Variants in MRPS23 observed in about 807,000 individuals in gnomAD.
MRPS23 encodes mitochondrial ribosomal protein S23.
Under a neutral mutation model 19.8 loss-of-function variants are expected in MRPS23, and 14 were observed. That is an observed-to-expected ratio of 0.71 (90% CI 0.47 to 1.11). MRPS23 has a LOEUF of 1.11. Among genes scored for constraint, MRPS23 ranks in the 50% least tolerant of loss-of-function variants. The pLI, the probability that MRPS23 is intolerant of heterozygous loss-of-function variation, is 0.00. For synonymous variants in MRPS23, 113 were observed against 89.7 expected (o/e 1.26, Z -1.47); for missense variants, 242 against 236.7 (o/e 1.02, Z -0.15).
chr17:57,847,548 G>A (rs539348889), intron 2 of MRPS23, among the ~76,000 whole-genome samples: 10 of 150,126 alleles, frequency 6.7e-5, no homozygotes, highest in African/African-American at 2.0e-4. Context: ...TGTAGTCCCA[G>A]CTACTCAGGA....
In MRPS23 at chr17:57,847,413, A is replaced by G. The variant is rs549091323; in HGVS notation, c.215+1827T>C. Among the ~76,000 whole-genome samples, 8 of 152,070 alleles carry G rather than the reference A, an allele frequency of 5.3e-5. No individual in the cohort carries two copies. In the East Asian group the frequency reaches 1.6e-3, roughly 30 times the overall value. ...CGCGGTGGCTCACGCCTGTAATCCCAGCACTTTGGGAGGCCGAGGCAGGCG... is the reference window on the plus strand; with the variant it reads ...CGCGGTGGCTCACGCCTGTAATCCCGGCACTTTGGGAGGCCGAGGCAGGCG... On this transcript the variant is annotated intron_variant, in intron 2 of 4. Transcript: ENST00000313608.
intron 2 of MRPS23, among the ~76,000 whole-genome samples, chr17:57,841,645 G>C (rs546737192): frequency 1.2e-4 from 18 of 152,322 alleles, no homozygotes; most frequent in African/African-American, 4.3e-4. Flanking sequence ...AGTAAACCTT[G>C]CTCTACATCT....
At chr17:57,844,626 C>A (rs949615513) in intron 2 of MRPS23, among the ~76,000 whole-genome samples, 6 of 149,688 alleles carry the variant, frequency 4.0e-5, no homozygotes, top group South Asian at 2.1e-4. Context: ...AAAAAATTAG[C>A]CCGCCGTGGT....
At chr17:57,842,893 C>CAT (rs1260574703) in intron 2 of MRPS23, among the ~76,000 whole-genome samples, 5,340 of 86,310 alleles carry the variant, frequency 0.062, 244 homozygotes, top group Middle Eastern at 0.11. Flanking sequence ...TATATATATA[C>CAT]ACACACACAC....
At chr17:57,842,605 G>C (rs527509103) in intron 2 of MRPS23, among the ~76,000 whole-genome samples, 1 of 152,206 alleles carries the variant, frequency 6.6e-6, no homozygotes, top group African/African-American at 2.4e-5. Context: ...TGGTACTACT[G>C]GATCAAGGTA....
chr17:57,843,842 T>C (rs951467226), intron 2 of MRPS23, among the ~76,000 whole-genome samples: 3 of 152,234 alleles, frequency 2.0e-5, no homozygotes, highest in African/African-American at 7.2e-5. Context: ...TTTGTAGCCA[T>C]ATACATAGAA....
chr17:57,846,029 C>G (rs1210341982), intron 2 of MRPS23, among the ~76,000 whole-genome samples: 1 of 148,962 alleles, frequency 6.7e-6, no homozygotes, highest in African/African-American at 2.5e-5. Flanking sequence ...TCAGGGCACA[C>G]AAAAGGGGAA....
chr17:57,847,616 T>C (rs56027673), intron 2 of MRPS23, among the ~76,000 whole-genome samples: 144,365 of 146,660 alleles, frequency 0.98, 71,089 homozygotes, highest in East Asian at 1. Context: ...GAGCCGAGAT[T>C]GCGCCACTGC....
Position 57,840,026 on chromosome 17 carries a change from T to G in MRPS23, c.421-91A>C, listed in dbSNP as rs188869280. 35 of 1,466,594 alleles carry G rather than the reference T, an allele frequency of 2.4e-5. No homozygotes were observed. In the Admixed American group the frequency reaches 5.4e-4, roughly 23 times the overall value. 90.8% of individuals were successfully genotyped at this position (1,466,594 alleles called of 1,614,324 possible). On this transcript the variant is annotated intron_variant, in intron 4 of 4. Coordinates refer to ENST00000313608, the MANE Select transcript of MRPS23 (RefSeq NM_016070.4). ...TATATAACTAGGCACATTCTGTCAC[T>G]GAGTGAAAAATTTAGCACTAATATC...
chr17:57,843,268 CA>C (rs11290064), intron 2 of MRPS23, among the ~76,000 whole-genome samples: 134,689 of 138,446 alleles, frequency 0.97, 65,523 homozygotes, highest in South Asian at 0.99. Flanking sequence ...GATCCTGCCT[CA>C]AAAAAAAAAA....
Position 57,841,065 on chromosome 17 carries a change from G to T in MRPS23, c.294-13C>A. The T allele has an allele frequency of 6.2e-7, 1 of 1,613,418 alleles. No homozygotes were observed. The highest frequency in any genetic ancestry group is 8.5e-7 in the Non-Finnish European group (1 of 1,179,666). The stretch of plus-strand genomic sequence containing the variant: ...CTTCTCCACAAACCTGTAATTCCAA[G>T]CAGTCACATTTTAGGTATGTTTGTA... On this transcript the variant is annotated splice_polypyrimidine_tract_variant and intron_variant, in intron 3 of 4. Coordinates refer to ENST00000313608, the MANE Select transcript of MRPS23 (RefSeq NM_016070.4).
intron 2 of MRPS23, among the ~76,000 whole-genome samples, chr17:57,842,350 T>A (rs1056897848): frequency 6.6e-6 from 1 of 152,190 alleles, no homozygotes; most frequent in East Asian, 1.9e-4. Context: ...TTAAGTGACA[T>A]GTAGAAAACT....
rs192365919 is a variant in MRPS23 at position 57,845,055 on chromosome 17, G to A, written c.216-3795C>T. ...TGGGACTACAGGTGCATGCCACCAC[G>A]CCCAGCTGATTTTTGCATTTTTAGC... is the stretch of plus-strand genomic sequence containing the variant. On this transcript the variant is annotated intron_variant, in intron 2 of 4. Transcript: ENST00000313608. Among the ~76,000 whole-genome samples, 7 of 152,028 alleles carry A rather than the reference G, an allele frequency of 4.6e-5. No homozygotes were observed. The East Asian group carries it at 9.7e-4, about 21-fold the overall frequency.
chr17:57,841,289 T>C (rs914459456), intron 2 of MRPS23, 29 bp from the exon 3 acceptor site: 1 of 1,591,210 alleles, frequency 6.3e-7, no homozygotes, highest in Non-Finnish European at 8.6e-7. Flanking sequence ...ATAATATAAA[T>C]CTCCGATTAT....
At chr17:57,844,577 T>C (rs2073760128) in intron 2 of MRPS23, among the ~76,000 whole-genome samples, 1 of 145,632 alleles carries the variant, frequency 6.9e-6, no homozygotes, top group African/African-American at 2.6e-5. Flanking sequence ...CTGGCCAACA[T>C]GGTGAAACCC....
At chr17:57,849,101 C>T (rs2073794951) in intron 2 of MRPS23, 139 bp downstream of exon 2, 5 of 1,032,730 alleles carry the variant, frequency 4.8e-6, no homozygotes, top group Non-Finnish European at 6.9e-6. Flanking sequence ...GGGGTGCTGC[C>T]TCCCTAATTT....
At chr17:57,848,210 C>T (rs2073788976) in intron 2 of MRPS23, among the ~76,000 whole-genome samples, 1 of 152,074 alleles carries the variant, frequency 6.6e-6, no homozygotes, top group African/African-American at 2.4e-5. Context: ...GCACAAGCCA[C>T]CACATCCAGC....
In MRPS23 at chr17:57,840,848, G is replaced by A. The variant is rs747798292; in HGVS notation, c.420+78C>T. 4 of 1,545,428 alleles carry A rather than the reference G, an allele frequency of 2.6e-6. No individual in the cohort carries two copies. The South Asian group carries it at 4.9e-5, about 19-fold the overall frequency. On this transcript the variant is annotated intron_variant, in intron 4 of 4. Coordinates refer to ENST00000313608, the MANE Select transcript of MRPS23 (RefSeq NM_016070.4). ...CATCTGTGAATATTGGTATCTGCAG[G>A]GGCCCTAGCACCAATCCCCTGTGCA...
At chr17:57,844,369 T>C (rs1274918435) in intron 2 of MRPS23, among the ~76,000 whole-genome samples, 1 of 151,712 alleles carries the variant, frequency 6.6e-6, no homozygotes, top group Admixed American at 6.6e-5. Context: ...CAATAAATTA[T>C]ATAAATACAA....
Sources: gnomAD v4.1 joint callset for allele counts (sites outside exome capture counted in the v4.1 genomes callset) on GRCh38, gnomAD v4.1.1 for gene constraint, MANE v1.5 for transcripts, NCBI Gene and HGNC (gene_info 2026-07-23, HGNC 2026-07-21) for gene names.